The following DCTN1 variants were observed in gnomAD, a reference collection of about 807,000 sequenced individuals.
The protein encoded by DCTN1 is 150 kDa dynein-associated polypeptide.
In DCTN1, 61 loss-of-function variants were observed where a neutral mutation model predicts 161.2. That is an observed-to-expected ratio of 0.38 (90% confidence interval 0.31 to 0.47). The LOEUF (loss-of-function observed/expected upper bound fraction) is 0.47. DCTN1 is among the 20% of genes least tolerant of loss of function. The probability of loss-of-function intolerance (pLI) is 0.99; values close to 1 mark genes in which losing one functional copy is unlikely to be tolerated. For synonymous variants in DCTN1, 653 were observed against 632.4 expected, an observed-to-expected ratio of 1.03 and a Z score of -0.49; for missense variants, 1,404 against 1,623.7, an observed-to-expected ratio of 0.86 and a Z score of 2.33.
chr2:74,388,834 T>C (rs1185633372), intron 1 of DCTN1, among the ~76,000 whole-genome samples: 1 of 152,130 alleles, frequency 6.6e-6, no homozygotes, highest in Non-Finnish European at 1.5e-5. Flanking sequence ...TCTGACAGCT[T>C]TCCCTGAGAG....
intron 4 of DCTN1, among the ~76,000 whole-genome samples, chr2:74,377,001 TCTGCATCCAG>T (rs1489959416): frequency 6.6e-6 from 1 of 152,184 alleles, no homozygotes; most frequent in African/African-American, 2.4e-5. Context: ...GGAAGCACTC[TCTGCATCCAG>T]CTTAAAACAG....
At chr2:74,374,764 G>T (rs1675123733) in intron 5 of DCTN1, 1 of 1,125,336 alleles carries the variant, frequency 8.9e-7, no homozygotes, top group African/African-American at 1.6e-5. Flanking sequence ...AACCATCTAG[G>T]GCTTTGCTGG....
chr2:74,372,434 C>A (rs1044719622), intron 7 of DCTN1, among the ~76,000 whole-genome samples: 2 of 152,216 alleles, frequency 1.3e-5, no homozygotes, highest in African/African-American at 2.4e-5. Flanking sequence ...AGGAGCTGAC[C>A]TGAAGTTCAA....
intron 1 of DCTN1, among the ~76,000 whole-genome samples, chr2:74,386,034 G>A (rs962989433): frequency 1.3e-5 from 2 of 152,120 alleles, no homozygotes; most frequent in Non-Finnish European, 2.9e-5. Flanking sequence ...ATCACTATCG[G>A]TCACTTGTCT....
At chr2:74,366,680 C>T in intron 21 of DCTN1, 60 bp from the exon 22 acceptor site, 3 of 1,613,916 alleles carry the variant, frequency 1.9e-6, no homozygotes, top group Non-Finnish European at 2.5e-6. Flanking sequence ...TTTCCAGCTA[C>T]CCCAAAACCA....
chr2:74,373,048 T>TA, intron 6 of DCTN1, 100 bp from the exon 7 acceptor site: 1 of 1,135,848 alleles, frequency 8.8e-7, no homozygotes, highest in South Asian at 1.2e-5. Context: ...GCAGAAGAAA[T>TA]AACAGGAATG....
At position 74,371,746 on chromosome 2, in the gene DCTN1, A is replaced by G. The variant is rs751234822; in HGVS notation, c.454-18T>C. 1.9e-6 allele frequency: 3 copies of G among 1,601,834 alleles called. No homozygotes were observed. The African/African-American group carries it at 4.0e-5, about 21-fold the overall frequency. Reference sequence around the variant, plus strand: ...CGCGTGGGCTATTCAGAAAGGGTAGAGGCAGACCAGAAAGAAAGCAGAGGA... The same window carrying G: ...CGCGTGGGCTATTCAGAAAGGGTAGGGGCAGACCAGAAAGAAAGCAGAGGA... On this transcript the variant is annotated intron_variant, in intron 7 of 31. Coordinates refer to ENST00000628224, the MANE Select transcript of DCTN1 (RefSeq NM_004082.5).
intron 30 of DCTN1, 104 bp from the exon 31 acceptor site, chr2:74,362,245 C>G (rs1399330289): frequency 2.1e-6 from 2 of 967,496 alleles, no homozygotes; most frequent in Non-Finnish European, 3.2e-6. Flanking sequence ...GGGGCAGGGA[C>G]TTAGTCCTCT....
chr2:74,382,799 G>GC (rs1675567053), upstream of DCTN1, among the ~76,000 whole-genome samples: 1 of 152,058 alleles, frequency 6.6e-6, no homozygotes, highest in East Asian at 1.9e-4. Flanking sequence ...GAGGCCGGGC[G>GC]CGGTGGCTCA....
intron 1 of DCTN1, among the ~76,000 whole-genome samples, chr2:74,390,887 A>G (rs1368209076): frequency 1.3e-5 from 2 of 152,234 alleles, no homozygotes; most frequent in African/African-American, 4.8e-5. Context: ...CCCACATGTT[A>G]GCCAGAGGCA....
chr2:74,367,300 C>T (rs1674492287), intron 19 of DCTN1, 52 bp downstream of exon 19: 41 of 1,602,910 alleles, frequency 2.6e-5, no homozygotes, highest in Non-Finnish European at 3.4e-5. Flanking sequence ...TGACCTGATG[C>T]CCTCCATTTC....
intron 1 of DCTN1, among the ~76,000 whole-genome samples, chr2:74,388,988 G>A (rs1015868594): frequency 8.5e-5 from 13 of 152,064 alleles, no homozygotes; most frequent in Non-Finnish European, 1.8e-4. Context: ...AAAAGTGCAG[G>A]AACAGCCCTA....
chr2:74,367,811 G>A lies in DCTN1; in HGVS notation c.2069C>T (p.Pro690Leu), dbSNP rs781205012. The change falls in exon 18 of 32, where the codon CCT becomes CTT. Residue 690 changes from proline (P) to leucine (L), a missense_variant. Physicochemically the swap from Pro to Leu is moderately conservative, Grantham distance 98 (BLOSUM62 -3). Transcript: ENST00000628224. ...GGAGCGCTCATGGGCACTCATCTCAGGGTACAGGCTGCCCACTTTCTTATA... is the reference window on the plus strand; with the variant it reads ...GGAGCGCTCATGGGCACTCATCTCAAGGTACAGGCTGCCCACTTTCTTATA... Reference protein sequence around the residue: ...DVYKKVGSLYPEMSAHERSLD... With the variant: ...DVYKKVGSLYLEMSAHERSLD... The A allele has an allele frequency of 1.4e-5, 22 of 1,614,170 alleles. No homozygotes were observed. The South Asian group carries it at 2.4e-4, about 18-fold the overall frequency.
chr2:74,362,347 C>T lies in DCTN1; in HGVS notation c.3610-206G>A, dbSNP rs560559664. 1.8e-4 allele frequency among the ~76,000 whole-genome samples: 28 copies of T among 152,352 alleles called. No individual in the cohort carries two copies. The South Asian group carries it at 5.8e-3, about 32-fold the overall frequency. ...AGTCCTCATCCTGTAAGGCCCAACT[C>T]ACATTCTACCGCTCTTGGGAAGCCA... On this transcript the variant is annotated intron_variant, in intron 30 of 31. Coordinates refer to ENST00000628224, the MANE Select transcript of DCTN1 (RefSeq NM_004082.5).
chr2:74,363,921 T>C, intron 26 of DCTN1: 1 of 494,114 alleles, frequency 2.0e-6, no homozygotes, highest in African/African-American at 1.9e-5. Flanking sequence ...ATGAGGCTGT[T>C]CCTGCCTCCC....
At chr2:74,378,940 CAA>C (rs1675379396) in intron 1 of DCTN1, 2 of 154,034 alleles carry the variant, frequency 1.3e-5, no homozygotes, top group South Asian at 4.1e-4. Context: ...TCTCTATCCC[CAA>C]GCTCTGGAGA....
intron 6 of DCTN1, among the ~76,000 whole-genome samples, chr2:74,373,722 A>G (rs756323400): frequency 6.6e-6 from 1 of 152,236 alleles, no homozygotes; most frequent in Non-Finnish European, 1.5e-5. Context: ...CAATTTCCAA[A>G]TAGTGTTCTT....
At chr2:74,377,843 C>T in intron 2 of DCTN1, 117 bp from the exon 3 acceptor site, 2 of 1,448,966 alleles carry the variant, frequency 1.4e-6, no homozygotes, top group Non-Finnish European at 1.9e-6. Context: ...GGCAGCTTCC[C>T]TAAGGATGCA....
At chr2:74,391,494 T>C (rs1675995576) in intron 1 of DCTN1, 3 of 305,170 alleles carry the variant, frequency 9.8e-6, no homozygotes, top group South Asian at 7.9e-5. Flanking sequence ...TGTAGCTCAG[T>C]ATGGATTCAG....
Sources: allele counts gnomAD v4.1 joint callset (sites outside exome capture counted in the v4.1 genomes callset), GRCh38; gene constraint gnomAD v4.1.1; transcripts MANE v1.5; gene names NCBI Gene and HGNC (gene_info 2026-07-23, HGNC 2026-07-21).